Variants in SRGAP3 observed in about 807,000 individuals in gnomAD.
SRGAP3 encodes the protein SLIT-ROBO Rho GTPase activating protein 3.
A neutral mutation model predicts 121.1 loss-of-function variants in SRGAP3; 39 were observed. That is an observed-to-expected ratio of 0.32 (90% CI 0.25 to 0.42). The LOEUF is 0.42. Ranked by LOEUF, SRGAP3 falls within the 10% of genes least tolerant of loss-of-function variation. The probability of loss-of-function intolerance (pLI) is 1.00; values close to 1 mark genes in which losing one functional copy is unlikely to be tolerated. For synonymous variants in SRGAP3, 601 were observed against 570.0 expected (o/e 1.05, Z -0.77); for missense variants, 1,213 against 1,470.6 (o/e 0.82, Z 2.86).
chr3:8,989,493 T>C (rs2648332), intron 21 of SRGAP3, among the ~76,000 whole-genome samples: 37,516 of 152,114 alleles, frequency 0.25, 8,233 homozygotes, highest in African/African-American at 0.59. Context: ...CCTGCCCTTC[T>C]TCCTTCTCCT....
chr3:9,049,839 T>C (rs1009264719), intron 9 of SRGAP3, among the ~76,000 whole-genome samples: 2 of 150,700 alleles, frequency 1.3e-5, no homozygotes, highest in Non-Finnish European at 2.9e-5. Context: ...AGTAGTACGA[T>C]GTTGGCTCAC....
chr3:8,987,568 C>T (rs568743498), intron 21 of SRGAP3, among the ~76,000 whole-genome samples: 107 of 132,564 alleles, frequency 8.1e-4, no homozygotes, highest in Non-Finnish European at 1.3e-3. Flanking sequence ...CCCTAGGCCA[C>T]ATGGCAGGCT....
chr3:9,054,788 C>G (rs546339401), intron 8 of SRGAP3, among the ~76,000 whole-genome samples: 1 of 152,362 alleles, frequency 6.6e-6, no homozygotes, highest in South Asian at 2.1e-4. Context: ...TGTTTGGTCA[C>G]TTTACTCTAT....
chr3:9,017,141 T>G (rs929830875), intron 14 of SRGAP3, among the ~76,000 whole-genome samples: 2 of 152,200 alleles, frequency 1.3e-5, no homozygotes, highest in African/African-American at 2.4e-5. Flanking sequence ...GTGTCTCATA[T>G]CGAGACACCA....
intron 3 of SRGAP3, among the ~76,000 whole-genome samples, chr3:9,298,794 G>C (rs887016798): frequency 2.0e-5 from 3 of 151,642 alleles, no homozygotes; most frequent in African/African-American, 7.3e-5. Flanking sequence ...GCTCATGCCT[G>C]TAATCTCAGC....
chr3:9,319,899 G>T (rs780133234), intron 3 of SRGAP3, among the ~76,000 whole-genome samples: 4 of 151,952 alleles, frequency 2.6e-5, no homozygotes, highest in Non-Finnish European at 5.9e-5. Context: ...AGCAGAGAAA[G>T]CCCCGAGTCA....
chr3:9,340,499 C>T (rs1004313921), intron 1 of SRGAP3, among the ~76,000 whole-genome samples: 2 of 152,088 alleles, frequency 1.3e-5, no homozygotes, highest in African/African-American at 4.8e-5. Flanking sequence ...CTTTATAAAC[C>T]CCAGTAATTA....
intron 2 of SRGAP3, among the ~76,000 whole-genome samples, chr3:9,327,567 G>A (rs1955540292): frequency 1.3e-5 from 2 of 152,156 alleles, no homozygotes. Flanking sequence ...GAAAATCTTG[G>A]TAAGTATAGG....
At chr3:9,033,167 G>T (rs1196542679) in intron 11 of SRGAP3, among the ~76,000 whole-genome samples, 1 of 152,140 alleles carries the variant, frequency 6.6e-6, no homozygotes, top group African/African-American at 2.4e-5. Flanking sequence ...CATTATTTTG[G>T]TTTAAATTTA....
At chr3:9,247,343 A>G (rs1953860403) in intron 1 of SRGAP3, among the ~76,000 whole-genome samples, 1 of 152,186 alleles carries the variant, frequency 6.6e-6, no homozygotes, top group South Asian at 2.1e-4. Context: ...ATTGAACTGA[A>G]AAACCAAAGA....
At chr3:9,010,471 G>T in intron 17 of SRGAP3, 84 bp from the exon 18 acceptor site, 2 of 1,480,622 alleles carry the variant, frequency 1.4e-6, no homozygotes, top group Non-Finnish European at 1.9e-6. Flanking sequence ...CAGTCCAGTT[G>T]GCCTCTGGGC....
At chr3:9,329,077 A>T (rs925431443) in intron 2 of SRGAP3, among the ~76,000 whole-genome samples, 4 of 152,294 alleles carry the variant, frequency 2.6e-5, no homozygotes, top group South Asian at 4.1e-4. Flanking sequence ...GCACGAGTTT[A>T]TGGGGTCCTA....
intron 1 of SRGAP3, among the ~76,000 whole-genome samples, chr3:9,127,330 C>CT (rs1949274335): frequency 6.6e-6 from 1 of 152,208 alleles, no homozygotes; most frequent in Non-Finnish European, 1.5e-5. Context: ...AAGCAAGACT[C>CT]TGTCTCAAAA....
At chr3:9,261,209 G>A (rs904960059) in intron 3 of SRGAP3, among the ~76,000 whole-genome samples, 3 of 152,174 alleles carry the variant, frequency 2.0e-5, no homozygotes, top group Admixed American at 2.0e-4. Flanking sequence ...CAACATCAAA[G>A]GCCAAAGGTA....
intron 1 of SRGAP3, among the ~76,000 whole-genome samples, chr3:9,160,203 A>C (rs1310338570): frequency 1.3e-5 from 2 of 152,194 alleles, no homozygotes; most frequent in Non-Finnish European, 2.9e-5. Flanking sequence ...TGGTTTTATA[A>C]TACTACCATA....
intron 2 of SRGAP3, among the ~76,000 whole-genome samples, chr3:9,113,702 G>A (rs895592669): frequency 1.3e-5 from 2 of 151,984 alleles, no homozygotes; most frequent in African/African-American, 4.8e-5. Flanking sequence ...AATCATGGGG[G>A]ACGGTTCCCC....
At chr3:9,335,462 T>G (rs1211232379) in intron 1 of SRGAP3, among the ~76,000 whole-genome samples, 2 of 152,212 alleles carry the variant, frequency 1.3e-5, no homozygotes, top group Admixed American at 1.3e-4. Context: ...ATTAGTAACC[T>G]CCAAGTAATG....
Position 9,172,075 on chromosome 3 carries a change from C to T in SRGAP3, c.68-47158G>A, listed in dbSNP as rs184055709. ...TAGTTAGAATGGATTAGGGCCTTTC[C>T]AAATGACTTTTTCTTTTCTTTTTTT... On this transcript the variant is annotated intron_variant, in intron 1 of 21. Transcript: ENST00000383836. Among the ~76,000 whole-genome samples the T allele has an allele frequency of 1.8e-4, 27 of 150,132 alleles. 1 individual carries two copies. Among genetic ancestry groups the T allele is most frequent in the Non-Finnish European group, 3.4e-4 (23 of 67,500 alleles).
At position 8,990,500 on chromosome 3, in the gene SRGAP3, G is replaced by A. The variant is rs201050858; in HGVS notation, c.2886+12C>T. On this transcript the variant is annotated intron_variant, in intron 21 of 21. Coordinates refer to ENST00000383836, the MANE Select transcript of SRGAP3 (RefSeq NM_014850.4). ...TTTTGGCTGCCCAGCCTGCCTTCCC[G>A]CTGGCCCTTACTTCTGCCAGGGCCT... 1.8e-4 allele frequency: 286 copies of A among 1,551,208 alleles called. No homozygotes were observed. The East Asian group carries it at 4.6e-3, about 25-fold the overall frequency.
Sources: gnomAD v4.1 joint callset for allele counts (sites outside exome capture counted in the v4.1 genomes callset) on GRCh38, gnomAD v4.1.1 for gene constraint, MANE v1.5 for transcripts, NCBI Gene and HGNC (gene_info 2026-07-23, HGNC 2026-07-21) for gene names.